CEP70: variants seen among roughly 807,000 people sequenced by gnomAD.
CEP70 encodes centrosomal protein of 70 kDa.
CEP70 carries 70 observed loss-of-function variants against 90.9 expected under a neutral mutation model. The observed-to-expected ratio is 0.77, with a 90% confidence interval of 0.64 to 0.94. CEP70 has a LOEUF of 0.94. Among genes scored for constraint, CEP70 ranks in the 40% least tolerant of loss-of-function variants. The pLI is 0.00. For synonymous variants in CEP70, 220 were observed against 228.3 expected (o/e 0.96, Z 0.33); for missense variants, 648 against 669.0 (o/e 0.97, Z 0.35).
chr3:138,567,924 GA>G (rs1442241194), intron 6 of CEP70, among the ~76,000 whole-genome samples: 2 of 152,020 alleles, frequency 1.3e-5, no homozygotes, highest in Non-Finnish European at 2.9e-5. Context: ...CTCTATAATA[GA>G]ATGAGATGTT....
chr3:138,561,403 G>A (rs2040396371), intron 6 of CEP70, among the ~76,000 whole-genome samples: 2 of 152,056 alleles, frequency 1.3e-5, no homozygotes, highest in Non-Finnish European at 2.9e-5. Context: ...CAATATCAGA[G>A]ACAAAAGGTA....
chr3:138,579,022 T>A (rs1371718372), intron 2 of CEP70, among the ~76,000 whole-genome samples: 1 of 151,816 alleles, frequency 6.6e-6, no homozygotes, highest in Non-Finnish European at 1.5e-5. Context: ...TCTCCCCCAA[T>A]CCCCCGGTAA....
chr3:138,565,226 C>T (rs1397679051), intron 6 of CEP70, among the ~76,000 whole-genome samples: 2 of 152,164 alleles, frequency 1.3e-5, no homozygotes, highest in Admixed American at 1.3e-4. Context: ...ACATTCCATG[C>T]TCATAGATAG....
In CEP70 at chr3:138,564,875, G is replaced by C. The variant is rs2040671956; in HGVS notation, c.465+5443C>G. On this transcript the variant is annotated intron_variant, in intron 6 of 17. Transcript: ENST00000264982. Reference sequence around the variant, plus strand: ...AATCAGGCAAGAGAAAGAAATAAAGGGTATTCAAATAGGAAAAGAGGAAGT... The same window carrying C: ...AATCAGGCAAGAGAAAGAAATAAAGCGTATTCAAATAGGAAAAGAGGAAGT... Among the ~76,000 whole-genome samples, 3 of 151,992 alleles carry C rather than the reference G, an allele frequency of 2.0e-5. No individual in the cohort carries two copies. The South Asian group carries it at 6.2e-4, about 32-fold the overall frequency.
intron 6 of CEP70, among the ~76,000 whole-genome samples, chr3:138,543,173 C>T (rs2038901324): frequency 6.6e-6 from 1 of 152,132 alleles, no homozygotes. Flanking sequence ...AGGACCTGCC[C>T]CTTCTGCCTA....
chr3:138,587,720 G>A (rs555241389), intron 2 of CEP70, among the ~76,000 whole-genome samples: 11 of 152,182 alleles, frequency 7.2e-5, no homozygotes, highest in Non-Finnish European at 2.9e-5. Context: ...TTTAATCAGT[G>A]AGCTATGATT....
chr3:138,556,202 T>C (rs1435076284), intron 6 of CEP70, among the ~76,000 whole-genome samples: 1 of 152,122 alleles, frequency 6.6e-6, no homozygotes, highest in Admixed American at 6.5e-5. Flanking sequence ...CACTTATAAG[T>C]GGGAGCTAAG....
chr3:138,497,964 C>T, intron 17 of CEP70, 67 bp downstream of exon 17: 1 of 1,596,720 alleles, frequency 6.3e-7, no homozygotes, highest in South Asian at 1.1e-5. Flanking sequence ...GACCAAGGAA[C>T]ACCCTTTTCT....
At chr3:138,518,024 C>T (rs901294822) in intron 11 of CEP70, among the ~76,000 whole-genome samples, 35 of 152,216 alleles carry the variant, frequency 2.3e-4, no homozygotes, top group African/African-American at 7.0e-4. Flanking sequence ...AACAGCACAC[C>T]AGGAGATTAT....
intron 6 of CEP70, among the ~76,000 whole-genome samples, chr3:138,541,026 G>C (rs759015580): frequency 1.1e-4 from 17 of 152,180 alleles, no homozygotes; most frequent in Non-Finnish European, 2.1e-4. Context: ...TCACTTATAA[G>C]TGGGAGCTAA....
At chr3:138,562,098 G>C (rs1041983634) in intron 6 of CEP70, among the ~76,000 whole-genome samples, 1 of 150,884 alleles carries the variant, frequency 6.6e-6, no homozygotes, top group Admixed American at 6.6e-5. Flanking sequence ...CAGAAGAAAG[G>C]ATATCAGAGA....
chr3:138,515,284 T>C (rs2035901648), intron 11 of CEP70, among the ~76,000 whole-genome samples: 1 of 152,002 alleles, frequency 6.6e-6, no homozygotes. Context: ...TTTTTTTGAT[T>C]CATTAACATT....
intron 11 of CEP70, among the ~76,000 whole-genome samples, chr3:138,509,778 C>T (rs1167950178): frequency 6.6e-6 from 1 of 151,946 alleles, no homozygotes; most frequent in Non-Finnish European, 1.5e-5. Context: ...GTGATTCATC[C>T]CTTTGTCCAG....
At chr3:138,579,753 C>T (rs948424640) in intron 2 of CEP70, among the ~76,000 whole-genome samples, 6 of 151,944 alleles carry the variant, frequency 3.9e-5, no homozygotes, top group African/African-American at 1.4e-4. Flanking sequence ...GGGTGAGACT[C>T]AGACATGCTG....
chr3:138,532,784 CATT>C (rs1196461009), intron 7 of CEP70, among the ~76,000 whole-genome samples: 1 of 152,120 alleles, frequency 6.6e-6, no homozygotes, highest in Non-Finnish European at 1.5e-5. Flanking sequence ...TAACTATAAA[CATT>C]ATATCTCAAC....
chr3:138,587,223 GA>G (rs1286016728), intron 2 of CEP70, among the ~76,000 whole-genome samples: 3 of 151,714 alleles, frequency 2.0e-5, no homozygotes, highest in Admixed American at 6.6e-5. Context: ...ATTAAAGAAG[GA>G]AAATGAATGA....
At chr3:138,556,096 T>C (rs1412865246) in intron 6 of CEP70, among the ~76,000 whole-genome samples, 1 of 152,156 alleles carries the variant, frequency 6.6e-6, no homozygotes, top group Non-Finnish European at 1.5e-5. Context: ...GCCATAAAAA[T>C]GAATGAATCA....
intron 11 of CEP70, among the ~76,000 whole-genome samples, 158 bp from the exon 12 acceptor site, chr3:138,508,702 C>T (rs2035227492): frequency 6.6e-6 from 1 of 151,996 alleles, no homozygotes; most frequent in South Asian, 2.1e-4. Context: ...TATGTATAAA[C>T]ACATACATAT....
intron 6 of CEP70, among the ~76,000 whole-genome samples, chr3:138,561,782 T>C (rs1357400709): frequency 6.6e-6 from 1 of 151,830 alleles, no homozygotes; most frequent in African/African-American, 2.4e-5. Context: ...TCCCAGCACT[T>C]TGGGAGTTCA....
Sources: gnomAD v4.1 joint callset for allele counts (sites outside exome capture counted in the v4.1 genomes callset) on GRCh38, gnomAD v4.1.1 for gene constraint, MANE v1.5 for transcripts, NCBI Gene and HGNC (gene_info 2026-07-23, HGNC 2026-07-21) for gene names.